Variants in MORC3 observed in about 807,000 individuals in gnomAD.
The protein encoded by MORC3 is MORC family CW-type zinc finger protein 3.
MORC3 carries 31 observed loss-of-function variants against 109.1 expected under a neutral mutation model. That is an observed-to-expected ratio of 0.28 (90% CI 0.21 to 0.38). The LOEUF is 0.38. MORC3 is among the 10% of genes least tolerant of loss of function. The pLI, the probability that MORC3 is intolerant of heterozygous loss-of-function variation, is 1.00. For missense variants in MORC3, 867 were observed against 1,135.8 expected (o/e 0.76, Z 3.40); for synonymous variants, 395 against 380.7 (o/e 1.04, Z -0.44).
Position 36,375,827 on chromosome 21 carries a change from C to A in MORC3, c.*531C>A, listed in dbSNP as rs2085923866. 6.6e-6 allele frequency: 1 copy of A among 152,416 alleles called. No individual in the cohort carries two copies. Among genetic ancestry groups the A allele is most frequent in the Non-Finnish European group, 1.5e-5 (1 of 68,024 alleles). 9.4% of individuals were successfully genotyped at this position (152,416 alleles called of 1,614,324 possible). ...ATGTTTCTTTTGTATAAATTCCTGT[C>A]CTGAAATATTTTATTCATGAAAATA... is the stretch of plus-strand genomic sequence containing the variant. On this transcript the variant is annotated 3_prime_UTR_variant, in exon 17 of 17. Transcript: ENST00000400485.
chr21:36,322,958 A>G (rs1290104985), intron 1 of MORC3, among the ~76,000 whole-genome samples: 1 of 152,182 alleles, frequency 6.6e-6, no homozygotes, highest in Admixed American at 6.6e-5. Context: ...TAGCCAGGGT[A>G]GTATGATTGC....
intron 8 of MORC3, among the ~76,000 whole-genome samples, chr21:36,348,469 A>G (rs1000946093): frequency 2.0e-5 from 3 of 152,186 alleles, no homozygotes; most frequent in African/African-American, 4.8e-5. Context: ...GTGCAATGGC[A>G]CGATCTCAGC....
chr21:36,360,614 A>G, intron 12 of MORC3: 1 of 284,946 alleles, frequency 3.5e-6, no homozygotes, highest in Non-Finnish European at 6.7e-6. Flanking sequence ...TGAGTGCCAT[A>G]GAAGCTCTGG....
rs150821439 is a variant in MORC3, at chr21:36,337,660, T to A, written c.246-72T>A. On this transcript the variant is annotated intron_variant, in intron 3 of 16. Coordinates refer to ENST00000400485, the MANE Select transcript of MORC3 (RefSeq NM_015358.3). ...CAATTAATGAATTAAAAAAAAAGAT[T>A]ATAGGTATTTATTTATTTATTTATT... is the stretch of plus-strand genomic sequence containing the variant. 2.1e-3 allele frequency: 2,210 copies of A among 1,058,532 alleles called. 32 individuals are homozygous for A. The African/African-American group carries it at 0.031, about 15-fold the overall frequency. 65.6% of individuals were successfully genotyped at this position (1,058,532 alleles called of 1,614,324 possible).
In MORC3 at chr21:36,347,057, G is replaced by A. The variant is rs1455268727; in HGVS notation, c.1005+2026G>A. ...AAATTGGGGCAAATAACAAATAGAT[G>A]AAGCAAGTTGCTTAAGACATAACAG... On this transcript the variant is annotated intron_variant, in intron 8 of 16. Transcript: ENST00000400485. 2.7e-5 allele frequency among the ~76,000 whole-genome samples: 4 copies of A among 150,056 alleles called. No homozygotes were observed. In the East Asian group the frequency reaches 5.9e-4, roughly 22 times the overall value.
chr21:36,339,010 AG>A (rs1469800520), intron 5 of MORC3, 89 bp downstream of exon 5: 1 of 1,404,902 alleles, frequency 7.1e-7, no homozygotes, highest in Non-Finnish European at 9.8e-7. Context: ...TACACACAGT[AG>A]AAATACATGG....
rs965264077 is a variant in MORC3, at chr21:36,376,459, T to C, written c.*1163T>C. Reference sequence around the variant, plus strand: ...TAATACGTGTCGGTCATATACAGTATTGAATTTTTACTGTATAGTAATTCT... The same window carrying C: ...TAATACGTGTCGGTCATATACAGTACTGAATTTTTACTGTATAGTAATTCT... On this transcript the variant is annotated 3_prime_UTR_variant, in exon 17 of 17. Transcript: ENST00000400485. 14 of 152,310 alleles carry C rather than the reference T, an allele frequency of 9.2e-5. No homozygotes were observed. Among genetic ancestry groups the C allele is most frequent in the African/African-American group, 3.4e-4 (14 of 41,474 alleles). 9.4% of individuals were successfully genotyped at this position (152,310 alleles called of 1,614,324 possible). A position where few individuals can be genotyped will look rare whatever the true frequency, so the allele number is the denominator to read the frequency against.
rs1223390345 is a variant in MORC3 at position 36,341,532 on chromosome 21, G to A, written c.742G>A (p.Asp248Asn). The A allele has an allele frequency of 5.6e-6, 9 of 1,613,854 alleles. No individual in the cohort carries two copies. Among genetic ancestry groups the A allele is most frequent in the Non-Finnish European group, 7.6e-6 (9 of 1,180,000 alleles). ...ERMDQIAPES[D>N]YSLRAYCSIL... The stretch of plus-strand genomic sequence containing the variant: ...GATGGACCAGATTGCCCCTGAGAGT[G>A]ACTATTCCCTGAGGGTATGTATTCA... The change falls in exon 6 of 17, where the codon GAC becomes AAC. Residue 248 changes from aspartate to asparagine, a missense_variant. Coordinates refer to ENST00000400485, the MANE Select transcript of MORC3 (RefSeq NM_015358.3).
chr21:36,354,652 ACTGT>A (rs1445053503), intron 9 of MORC3, among the ~76,000 whole-genome samples: 3 of 152,110 alleles, frequency 2.0e-5, no homozygotes, highest in African/African-American at 7.2e-5. Context: ...TCCTTCTTAC[ACTGT>A]CTGCTTCAGT....
At chr21:36,336,774 C>CTT (rs1251252973) in intron 2 of MORC3, 100 bp from the exon 3 acceptor site, 4 of 1,215,242 alleles carry the variant, frequency 3.3e-6, no homozygotes, top group Non-Finnish European at 4.4e-6. Context: ...TTAAAGTTGT[C>CTT]TTAAAACATA....
chr21:36,358,861 A>C (rs181797461), intron 10 of MORC3, among the ~76,000 whole-genome samples: 1 of 152,044 alleles, frequency 6.6e-6, no homozygotes. Flanking sequence ...TTGTATTTTT[A>C]GTAGAGATGG....
intron 8 of MORC3, 140 bp from the exon 9 acceptor site, chr21:36,349,161 AAAATAAAAAC>A (rs1212063971): frequency 1.6e-6 from 1 of 628,044 alleles, no homozygotes; most frequent in African/African-American, 1.9e-5. Flanking sequence ...CTGTCTCAAA[AAAATAAAAAC>A]AAATAAAAAT....
intron 2 of MORC3, among the ~76,000 whole-genome samples, chr21:36,335,310 ATTTTT>A (rs144473276): frequency 0.063 from 7,294 of 116,678 alleles, 295 homozygotes; most frequent in African/African-American, 0.15. Flanking sequence ...AAAAGAAGGA[ATTTTT>A]TTTTTTTTTT....
chr21:36,362,563 G>A (rs1443045362), intron 13 of MORC3, among the ~76,000 whole-genome samples: 2 of 151,986 alleles, frequency 1.3e-5, no homozygotes, highest in East Asian at 3.9e-4. Context: ...ATAAAATAGG[G>A]ATGGGGTCTC....
At chr21:36,335,385 G>A (rs1026299818) in intron 2 of MORC3, among the ~76,000 whole-genome samples, 4 of 145,648 alleles carry the variant, frequency 2.7e-5, no homozygotes, top group African/African-American at 5.1e-5. Flanking sequence ...GCACAGTCTC[G>A]GCTCACTGCA....
chr21:36,353,355 CAAA>C (rs35837458), intron 9 of MORC3, among the ~76,000 whole-genome samples: 10 of 55,650 alleles, frequency 1.8e-4, no homozygotes, highest in African/African-American at 3.9e-4. Context: ...GACTCTGTCT[CAAA>C]AAAAAAAAAA....
intron 15 of MORC3, among the ~76,000 whole-genome samples, chr21:36,371,314 C>G (rs191909349): frequency 1.1e-3 from 168 of 152,240 alleles, no homozygotes; most frequent in Non-Finnish European, 2.0e-3. Context: ...AGTTGAATGA[C>G]AAAATACAGA....
intron 14 of MORC3, among the ~76,000 whole-genome samples, chr21:36,366,721 C>G (rs1170391632): frequency 6.6e-6 from 1 of 152,204 alleles, no homozygotes; most frequent in Non-Finnish European, 1.5e-5. Flanking sequence ...TCCCAAAGTG[C>G]TGGGATTACA....
At chr21:36,328,174 G>A (rs1346854543) in intron 1 of MORC3, among the ~76,000 whole-genome samples, 1 of 151,956 alleles carries the variant, frequency 6.6e-6, no homozygotes, top group East Asian at 1.9e-4. Flanking sequence ...ACCACGCCCA[G>A]CTGTCCTATA....
Sources: gnomAD v4.1 joint callset for allele counts (sites outside exome capture counted in the v4.1 genomes callset) on GRCh38, gnomAD v4.1.1 for gene constraint, MANE v1.5 for transcripts, NCBI Gene and HGNC (gene_info 2026-07-23, HGNC 2026-07-21) for gene names.